The following GPCPD1 variants were observed in gnomAD, a reference collection of about 807,000 sequenced individuals.
The protein encoded by GPCPD1 is glycerophosphocholine phosphodiesterase 1, also known as glycerophosphocholine phosphodiesterase GPCPD1.
In GPCPD1, 29 loss-of-function variants were observed where a neutral mutation model predicts 89.2. The observed-to-expected ratio is 0.33, with a 90% CI of 0.24 to 0.44. GPCPD1 has a LOEUF of 0.44. Among genes scored for constraint, GPCPD1 ranks in the 20% least tolerant of loss-of-function variants. The pLI is 1.00. For missense variants in GPCPD1, 594 were observed against 808.9 expected (o/e 0.73, Z 3.22); for synonymous variants, 258 against 266.3 (o/e 0.97, Z 0.30).
chr20:5,600,238 A>ACAGTCATTCAGATTT (rs1297165643), intron 2 of GPCPD1, among the ~76,000 whole-genome samples: 1 of 152,232 alleles, frequency 6.6e-6, no homozygotes, highest in Non-Finnish European at 1.5e-5. Context: ...TCCAAGTGTG[A>ACAGTCATTCAGATTT]CAGTCATTCA....
At chr20:5,596,547 T>C (rs758790233) in intron 3 of GPCPD1, among the ~76,000 whole-genome samples, 42 of 152,240 alleles carry the variant, frequency 2.8e-4, no homozygotes, top group Non-Finnish European at 5.1e-4. Context: ...CAAAATACCA[T>C]AAAATCTACA....
At chr20:5,603,009 G>A (rs113147294) in intron 2 of GPCPD1, among the ~76,000 whole-genome samples, 5,824 of 149,574 alleles carry the variant, frequency 0.039, 154 homozygotes, top group Non-Finnish European at 0.062. Flanking sequence ...AAAAAAAAGA[G>A]GGGGCTGGGC....
At chr20:5,565,995 A>G (rs956886344) in intron 14 of GPCPD1, among the ~76,000 whole-genome samples, 1 of 152,228 alleles carries the variant, frequency 6.6e-6, no homozygotes, top group Non-Finnish European at 1.5e-5. Flanking sequence ...AACTAAAGGT[A>G]AAATTCATTT....
intron 4 of GPCPD1, among the ~76,000 whole-genome samples, chr20:5,588,948 T>TTA (rs1196081358): frequency 3.3e-5 from 5 of 152,202 alleles, no homozygotes; most frequent in African/African-American, 1.2e-4. Context: ...CAGGGGAACT[T>TTA]TATAGACTGT....
intron 12 of GPCPD1, 79 bp from the exon 13 acceptor site, chr20:5,567,639 T>C (rs1271863038): frequency 7.8e-7 from 1 of 1,289,662 alleles, no homozygotes. Context: ...AAATTATTAC[T>C]GAATGCTTAC....
chr20:5,584,435 A>C, intron 5 of GPCPD1, 113 bp from the exon 6 acceptor site: 1 of 558,048 alleles, frequency 1.8e-6, no homozygotes, highest in South Asian at 2.4e-5. Context: ...CTACAGCTTA[A>C]AAGCAGCCCA....
intron 6 of GPCPD1, among the ~76,000 whole-genome samples, chr20:5,581,198 A>G (rs896920532): frequency 2.0e-5 from 3 of 152,196 alleles, no homozygotes; most frequent in Non-Finnish European, 4.4e-5. Flanking sequence ...CTGTAATAAT[A>G]CATTGAGGTT....
chr20:5,564,471 T>G (rs1161504010), intron 15 of GPCPD1, among the ~76,000 whole-genome samples: 8 of 152,168 alleles, frequency 5.3e-5, no homozygotes, highest in African/African-American at 1.9e-4. Context: ...GGAATTTTTA[T>G]TTATTTGAAT....
chr20:5,570,506 CG>C (rs1568655183), intron 11 of GPCPD1, among the ~76,000 whole-genome samples: 1 of 150,922 alleles, frequency 6.6e-6, no homozygotes, highest in East Asian at 2.0e-4. Context: ...AGACAGCCTT[CG>C]GGGCTGTTAC....
chr20:5,609,219 A>C (rs1980792878), intron 1 of GPCPD1, among the ~76,000 whole-genome samples: 1 of 152,188 alleles, frequency 6.6e-6, no homozygotes, highest in African/African-American at 2.4e-5. Flanking sequence ...GCCCTTTCCC[A>C]GGCCTTGGCA....
chr20:5,606,589 G>C (rs898470619), intron 1 of GPCPD1, among the ~76,000 whole-genome samples: 4 of 152,128 alleles, frequency 2.6e-5, no homozygotes, highest in East Asian at 3.9e-4. Context: ...TCCCTCCAGG[G>C]GATTATTTGG....
chr20:5,572,499 T>C (rs1409708634), intron 11 of GPCPD1, among the ~76,000 whole-genome samples: 1 of 152,204 alleles, frequency 6.6e-6, no homozygotes, highest in African/African-American at 2.4e-5. Flanking sequence ...TAAAATATTT[T>C]AAAAGTACAC....
At chr20:5,609,501 C>G (rs776430167) in intron 1 of GPCPD1, among the ~76,000 whole-genome samples, 8 of 152,208 alleles carry the variant, frequency 5.3e-5, no homozygotes, top group Non-Finnish European at 1.0e-4. Context: ...AATGCAGTAA[C>G]ATTTTCCCAA....
chr20:5,610,698 G>C (rs528812879), intron 1 of GPCPD1, 144 bp downstream of exon 1: 1 of 151,068 alleles, frequency 6.6e-6, no homozygotes, highest in South Asian at 2.0e-4. Flanking sequence ...TCCCCTGCGG[G>C]CAGTGGCCGG....
intron 6 of GPCPD1, among the ~76,000 whole-genome samples, chr20:5,580,773 C>A (rs1334365568): frequency 6.7e-6 from 1 of 150,340 alleles, no homozygotes; most frequent in African/African-American, 2.4e-5. Flanking sequence ...AATAATGAAT[C>A]ATTGTGAACA....
intron 10 of GPCPD1, 169 bp from the exon 11 acceptor site, chr20:5,574,138 C>T: frequency 1.7e-6 from 1 of 593,418 alleles, no homozygotes; most frequent in East Asian, 2.8e-5. Flanking sequence ...GAATTTATTC[C>T]TTAAATGCAA....
intron 4 of GPCPD1, among the ~76,000 whole-genome samples, chr20:5,592,083 AAT>A (rs1257018040): frequency 3.3e-5 from 5 of 152,234 alleles, no homozygotes; most frequent in African/African-American, 1.2e-4. Flanking sequence ...CTGTGTTGAC[AAT>A]AGTCTTACTT....
chr20:5,558,270 T>C (rs1219952240), intron 18 of GPCPD1, among the ~76,000 whole-genome samples, 165 bp from the exon 19 acceptor site: 2 of 152,194 alleles, frequency 1.3e-5, no homozygotes, highest in Non-Finnish European at 1.5e-5. Flanking sequence ...GGACACTTCA[T>C]ACATAAATAT....
At chr20:5,607,171 C>T (rs1220344525) in intron 1 of GPCPD1, among the ~76,000 whole-genome samples, 1 of 152,138 alleles carries the variant, frequency 6.6e-6, no homozygotes, top group Admixed American at 6.6e-5. Flanking sequence ...CCGGTAATCC[C>T]AGCTACCCAG....
Sources: allele counts gnomAD v4.1 joint callset (sites outside exome capture counted in the v4.1 genomes callset), GRCh38; gene constraint gnomAD v4.1.1; transcripts MANE v1.5; gene names NCBI Gene and HGNC (gene_info 2026-07-23, HGNC 2026-07-21).